Variants in FAM120A observed in about 807,000 individuals in gnomAD.
The protein encoded by FAM120A is constitutive coactivator of PPAR-gamma-like protein 1.
A neutral mutation model predicts 109.7 loss-of-function variants in FAM120A; 15 were observed. The ratio of observed to expected loss-of-function variants is 0.14; its 90% CI spans 0.09 to 0.21. The LOEUF is 0.21. Ranked by LOEUF, FAM120A falls within the 10% of genes least tolerant of loss-of-function variation. FAM120A has a pLI of 1.00. For synonymous variants in FAM120A, 493 were observed against 572.8 expected, an observed-to-expected ratio of 0.86 and a Z score of 1.99; for missense variants, 899 against 1,439.3, an observed-to-expected ratio of 0.62 and a Z score of 6.07.
rs201538694 is a variant in FAM120A, at chr9:93,497,507, G to C, written c.841G>C (p.Val281Leu). 6.2e-7 allele frequency: 1 copy of C among 1,613,416 alleles called. No homozygotes were observed. The highest frequency in any genetic ancestry group is 1.1e-5 in the South Asian group (1 of 90,932). The change falls in exon 4 of 18, where the codon GTA becomes CTA. Residue 281 changes from valine to leucine, a missense_variant. This residue lies in a region of FAM120A where 258 missense variants were observed against 451.4 expected (regional missense o/e 0.57). Transcript: ENST00000277165. Reference protein sequence around the residue: ...AHQLVLPPCDVVIKAVADYVR... With the variant: ...AHQLVLPPCDLVIKAVADYVR... ...CCAGCTGGTCTTGCCACCTTGCGACGTAGTGATCAAAGCCGTTGCTGACTA... is the reference window on the plus strand; with the variant it reads ...CCAGCTGGTCTTGCCACCTTGCGACCTAGTGATCAAAGCCGTTGCTGACTA...
In FAM120A at chr9:93,521,519, C is replaced by T. The variant is rs117960172; in HGVS notation, c.1418+5250C>T. On this transcript the variant is annotated intron_variant, in intron 7 of 17. Transcript: ENST00000277165. ...ATCACTTGAGCCCAGGAGTTCAAGG[C>T]TGTAGTGAGCCATGATGGCACCACT... 2.6e-4 allele frequency among the ~76,000 whole-genome samples: 39 copies of T among 151,282 alleles called. 1 individual carries two copies. In the East Asian group the frequency reaches 7.2e-3, roughly 28 times the overall value.
rs749431710 is a variant in FAM120A at position 93,516,138 on chromosome 9, G to T, written c.1287G>T (p.Pro429=). The T allele has an allele frequency of 6.2e-7, 1 of 1,613,856 alleles. No individual in the cohort carries two copies. Among genetic ancestry groups the T allele is most frequent in the Non-Finnish European group, 8.5e-7 (1 of 1,179,880 alleles). The change falls in exon 7 of 18, where the codon CCG becomes CCT. Residue 429 remains proline (P), a synonymous_variant. Coordinates refer to ENST00000277165, the MANE Select transcript of FAM120A (RefSeq NM_014612.5). ...TTCCTCACGAAGGGAAGCACACGCC[G>T]CTGTATGAGCGGTCCTCGCCCATCA... The part of the protein sequence containing the change: ...SNIPHEGKHT[P]LYERSSPINP...
At chr9:93,550,051 A>C (rs1588906663) in intron 11 of FAM120A, among the ~76,000 whole-genome samples, 1 of 152,116 alleles carries the variant, frequency 6.6e-6, no homozygotes, top group South Asian at 2.1e-4. Context: ...GGTCCTACGC[A>C]TTGCTTTTCT....
intron 2 of FAM120A, among the ~76,000 whole-genome samples, chr9:93,474,164 G>A (rs565438865): frequency 1.4e-4 from 22 of 152,246 alleles, no homozygotes; most frequent in East Asian, 1.9e-4. Flanking sequence ...TTATAGGTAA[G>A]CTCCTAAGTT....
intron 11 of FAM120A, 48 bp from the exon 12 acceptor site, chr9:93,550,528 CG>C (rs1564357984): frequency 7.1e-7 from 1 of 1,415,502 alleles, no homozygotes; most frequent in East Asian, 2.3e-5. Flanking sequence ...GTCTATATGA[CG>C]GGCGACCACT....
chr9:93,508,861 C>A (rs1860185736), intron 5 of FAM120A, among the ~76,000 whole-genome samples: 1 of 152,330 alleles, frequency 6.6e-6, no homozygotes, highest in Non-Finnish European at 1.5e-5. Flanking sequence ...TGAAAATACA[C>A]ACGATCTCTC....
At chr9:93,510,222 G>A (rs1860249255) in intron 5 of FAM120A, among the ~76,000 whole-genome samples, 1 of 152,220 alleles carries the variant, frequency 6.6e-6, no homozygotes, top group Non-Finnish European at 1.5e-5. Context: ...TCCATTTTCA[G>A]TGAGTTTGTG....
intron 3 of FAM120A, among the ~76,000 whole-genome samples, chr9:93,489,780 G>A (rs1859233141): frequency 6.6e-6 from 1 of 152,198 alleles, no homozygotes; most frequent in African/African-American, 2.4e-5. Flanking sequence ...CAATTCTGGG[G>A]TCTATGTGTT....
chr9:93,517,255 T>C (rs1419460049), intron 7 of FAM120A, among the ~76,000 whole-genome samples: 1 of 152,256 alleles, frequency 6.6e-6, no homozygotes, highest in African/African-American at 2.4e-5. Flanking sequence ...ATTTGTTGTA[T>C]GTGCAGAGAA....
At chr9:93,561,977 T>C (rs921813223) in intron 16 of FAM120A, among the ~76,000 whole-genome samples, 4 of 152,186 alleles carry the variant, frequency 2.6e-5, no homozygotes, top group African/African-American at 9.7e-5. Flanking sequence ...ACTTAACCTG[T>C]TTACGCCTAG....
At chr9:93,509,469 T>C (rs1276262567) in intron 5 of FAM120A, among the ~76,000 whole-genome samples, 1 of 152,254 alleles carries the variant, frequency 6.6e-6, no homozygotes, top group Non-Finnish European at 1.5e-5. Context: ...GGAGGTGCTA[T>C]GTAATTTAGC....
chr9:93,490,636 G>A (rs868856317), intron 3 of FAM120A, among the ~76,000 whole-genome samples: 73 of 152,338 alleles, frequency 4.8e-4, no homozygotes, highest in African/African-American at 1.7e-3. Flanking sequence ...GAGTGAGACT[G>A]CAGATTTTTA....
chr9:93,537,986 A>C (rs994361998), intron 10 of FAM120A, among the ~76,000 whole-genome samples: 4 of 152,096 alleles, frequency 2.6e-5, no homozygotes, highest in African/African-American at 9.7e-5. Flanking sequence ...ATGACAGGCC[A>C]ATCTGTGATA....
chr9:93,462,016 A>T (rs1857814054), intron 1 of FAM120A, among the ~76,000 whole-genome samples: 1 of 152,216 alleles, frequency 6.6e-6, no homozygotes, highest in Non-Finnish European at 1.5e-5. Flanking sequence ...AGATTGCGAA[A>T]GCCAAAAAGA....
chr9:93,452,494 GC>G lies in FAM120A; in HGVS notation c.474+106del, dbSNP rs1320104861. 7 of 1,544,958 alleles carry G rather than the reference GC, an allele frequency of 4.5e-6. No homozygotes were observed. Among genetic ancestry groups the G allele is most frequent in the Admixed American group, 3.9e-5 (2 of 51,258 alleles). On this transcript the variant is annotated intron_variant, in intron 1 of 17. Coordinates refer to ENST00000277165, the MANE Select transcript of FAM120A (RefSeq NM_014612.5). This position sits in a 1 kb window ranked among gnomAD's most constrained non-coding sequence, Gnocchi z 7.0. ...CCCGGCCGTGGCGGCGCTGGGGGCA[GC>G]GAGTTCCCCCAGCCCTTGCCCGGGA...
At chr9:93,463,526 TA>T (rs1288270127) in intron 1 of FAM120A, among the ~76,000 whole-genome samples, 4 of 152,242 alleles carry the variant, frequency 2.6e-5, no homozygotes, top group African/African-American at 9.6e-5. Context: ...TGACTTTTTT[TA>T]ATGTTCTTAT....
At chr9:93,564,130 C>A in intron 17 of FAM120A, 99 bp from the exon 18 acceptor site, 4 of 1,243,584 alleles carry the variant, frequency 3.2e-6, no homozygotes, top group Non-Finnish European at 3.4e-6. Context: ...ATTTTCTGCT[C>A]TTGAATCTGC....
At position 93,498,791 on chromosome 9, in the gene FAM120A, C is replaced by A; in HGVS notation, c.935C>A (p.Ser312Tyr). The A allele has an allele frequency of 6.3e-7, 1 of 1,597,848 alleles. No individual in the cohort carries two copies. The highest frequency in any genetic ancestry group is 1.1e-5 in the South Asian group (1 of 90,722). ...AAGGTTTTCCTGCCTTTATTTCAGT[C>A]TAGAACAGATGACAAAGTTATTCGA... ...IAKDVFQHSQ[S>Y]RTDDKVIRFK... Residue 312 changes from serine to tyrosine, a missense_variant and splice_region_variant, in exon 5 of 18, where the codon TCT (serine) becomes TAT (tyrosine). Physicochemically the swap from Ser to Tyr is moderately radical, Grantham distance 144 (BLOSUM62 -2). Around this residue, in one of 11 missense-constraint regions of FAM120A, gnomAD observed 258 missense variants for 451.4 expected, o/e 0.57. Coordinates refer to ENST00000277165, the MANE Select transcript of FAM120A (RefSeq NM_014612.5). The surrounding 1 kb of genome is among the most constrained non-coding windows in gnomAD (Gnocchi z 4.4).
chr9:93,562,118 A>C (rs1862489708), intron 16 of FAM120A, 90 bp from the exon 17 acceptor site: 1 of 1,127,150 alleles, frequency 8.9e-7, no homozygotes, highest in Admixed American at 2.1e-5. Context: ...AAAACGTAAG[A>C]TTGGATGGCT....
Sources: allele counts gnomAD v4.1 joint callset (sites outside exome capture counted in the v4.1 genomes callset), GRCh38; gene constraint gnomAD v4.1.1; regional missense constraint gnomAD v4.1.1; non-coding constraint Gnocchi (gnomAD v3.1); transcripts MANE v1.5; gene names NCBI Gene and HGNC (gene_info 2026-07-23, HGNC 2026-07-21).